Variants in CDH17 observed in about 807,000 individuals in gnomAD.
CDH17 encodes cadherin-17.
CDH17 carries 67 observed loss-of-function variants against 86.3 expected under a neutral mutation model. The ratio of observed to expected loss-of-function variants is 0.78; its 90% CI spans 0.64 to 0.95. The LOEUF (loss-of-function observed/expected upper bound fraction) is 0.95. Among genes scored for constraint, CDH17 ranks in the 40% least tolerant of loss-of-function variants. CDH17 has a pLI of 0.00. For missense variants in CDH17, 993 were observed against 1,017.6 expected, an observed-to-expected ratio of 0.98 and a Z score of 0.33; for synonymous variants, 367 against 366.4, an observed-to-expected ratio of 1.00 and a Z score of -0.02.
intron 15 of CDH17, among the ~76,000 whole-genome samples, chr8:94,145,466 G>A (rs976839876): frequency 2.6e-5 from 4 of 152,278 alleles, no homozygotes; most frequent in African/African-American, 9.6e-5. Flanking sequence ...CTGGGGAGAG[G>A]GGATGGGTGG....
chr8:94,174,783 G>C (rs1205365965), intron 5 of CDH17, among the ~76,000 whole-genome samples: 1 of 152,102 alleles, frequency 6.6e-6, no homozygotes, highest in African/African-American at 2.4e-5. Context: ...TGTAGAAACA[G>C]ACATGAGAAT....
intron 15 of CDH17, among the ~76,000 whole-genome samples, chr8:94,134,174 T>A (rs1163937887): frequency 1.3e-5 from 2 of 152,364 alleles, no homozygotes; most frequent in East Asian, 3.9e-4. Flanking sequence ...CCTCATAAAA[T>A]GAGTTAGGGA....
rs1812747985 is a variant in CDH17 at position 94,146,524 on chromosome 8, GTTTTCTAAGCTTAT to G, written c.1928-371_1928-358del. Among the ~76,000 whole-genome samples, 5 of 152,356 alleles carry G rather than the reference GTTTTCTAAGCTTAT, an allele frequency of 3.3e-5. No individual in the cohort carries two copies. The South Asian group carries it at 1.0e-3, about 32-fold the overall frequency. ...AGCAGGCCTTAGGCATGTTAGTAGA[GTTTTCTAAGCTTAT>G]TTTCTTCAGCTGTGTGGCTTTGCAA... is the stretch of plus-strand genomic sequence containing the variant. On this transcript the variant is annotated intron_variant, in intron 14 of 17. Coordinates refer to ENST00000027335, the MANE Select transcript of CDH17 (RefSeq NM_004063.4).
intron 15 of CDH17, among the ~76,000 whole-genome samples, chr8:94,140,341 G>A (rs1812614201): frequency 6.6e-6 from 1 of 152,028 alleles, no homozygotes; most frequent in South Asian, 2.1e-4. Context: ...GAAGCAGGAG[G>A]ATCGTCTGAG....
At chr8:94,164,254 G>C (rs1260838248) in intron 10 of CDH17, among the ~76,000 whole-genome samples, 1 of 152,240 alleles carries the variant, frequency 6.6e-6, no homozygotes, top group East Asian at 1.9e-4. Flanking sequence ...AGCAGTACCT[G>C]TTCTCTCCCT....
At chr8:94,157,390 T>C (rs1370761166) in intron 12 of CDH17, among the ~76,000 whole-genome samples, 2 of 152,212 alleles carry the variant, frequency 1.3e-5, no homozygotes, top group Non-Finnish European at 2.9e-5. Context: ...TATATTTTTA[T>C]TCTATATCCT....
chr8:94,174,948 C>A lies in CDH17; in HGVS notation c.425-688G>T, dbSNP rs553054544. The stretch of plus-strand genomic sequence containing the variant: ...ATGAATTAATAATTTTTTAAAATTT[C>A]TAATATAGTAAATGTTGATAGATAT... On this transcript the variant is annotated intron_variant, in intron 5 of 17. Transcript: ENST00000027335. 2.0e-5 allele frequency among the ~76,000 whole-genome samples: 3 copies of A among 152,024 alleles called. No homozygotes were observed. In the East Asian group the frequency reaches 5.8e-4, roughly 29 times the overall value.
chr8:94,128,598 G>A (rs1014361589), intron 17 of CDH17, among the ~76,000 whole-genome samples: 3 of 152,106 alleles, frequency 2.0e-5, no homozygotes, highest in South Asian at 2.1e-4. Context: ...ACTGGATCTC[G>A]CTGTAAGAAT....
intron 5 of CDH17, among the ~76,000 whole-genome samples, chr8:94,174,735 T>A (rs1205748988): frequency 1.3e-5 from 2 of 152,184 alleles, no homozygotes; most frequent in Non-Finnish European, 2.9e-5. Context: ...TTTTCCTTCA[T>A]ATATTTCAAC....
At chr8:94,143,225 A>C (rs1812672210) in intron 15 of CDH17, among the ~76,000 whole-genome samples, 1 of 152,148 alleles carries the variant, frequency 6.6e-6, no homozygotes, top group Non-Finnish European at 1.5e-5. Flanking sequence ...GTACATCTCC[A>C]CCAGAGCTCT....
intron 1 of CDH17, among the ~76,000 whole-genome samples, chr8:94,203,546 T>C (rs1398903729): frequency 6.6e-6 from 1 of 152,208 alleles, no homozygotes; most frequent in East Asian, 1.9e-4. Context: ...GCCCAAACCA[T>C]TTTTCATCGA....
At chr8:94,138,689 C>T (rs1027664566) in intron 15 of CDH17, among the ~76,000 whole-genome samples, 1 of 152,112 alleles carries the variant, frequency 6.6e-6, no homozygotes, top group African/African-American at 2.4e-5. Flanking sequence ...GATTAGAGAA[C>T]ACAGCGCTCA....
chr8:94,150,414 A>C (rs1372304515), intron 13 of CDH17, among the ~76,000 whole-genome samples: 1 of 152,226 alleles, frequency 6.6e-6, no homozygotes, highest in African/African-American at 2.4e-5. Flanking sequence ...AGAATCTATA[A>C]TATTTGCTGA....
intron 12 of CDH17, among the ~76,000 whole-genome samples, chr8:94,155,639 G>C (rs1438859457): frequency 1.3e-5 from 2 of 152,178 alleles, no homozygotes; most frequent in Non-Finnish European, 2.9e-5. Context: ...AGAAGAGAAC[G>C]TGCAAGGCTG....
Position 94,130,639 on chromosome 8 carries a change from G to T in CDH17, c.2385C>A (p.Thr795=). The change falls in exon 17 of 18, where the codon ACC becomes ACA. Residue 795 remains threonine, a synonymous_variant. Coordinates refer to ENST00000027335, the MANE Select transcript of CDH17 (RefSeq NM_004063.4). ...VGMAVGILLT[T]LLVIGIILAV... is the part of the protein sequence containing the mutation. ...AATTACACTCACCAATCACCAGAAG[G>T]GTGGTCAGCAGTATACCAACTGCCA... is the stretch of plus-strand genomic sequence containing the variant. 6.8e-6 allele frequency: 11 copies of T among 1,608,890 alleles called. No individual in the cohort carries two copies. The highest frequency in any genetic ancestry group is 1.1e-5 in the South Asian group (1 of 90,816).
At position 94,128,338 on chromosome 8, in the gene CDH17, TA is replaced by T. The variant is rs1458392228; in HGVS notation, c.2400del (p.Ile801Ter). 2 of 1,597,986 alleles carry T rather than the reference TA, an allele frequency of 1.3e-6. No individual in the cohort carries two copies. The highest frequency in any genetic ancestry group is 2.7e-5 in the African/African-American group (2 of 74,602). On this transcript the variant is annotated frameshift_variant and splice_region_variant, in exon 18 of 18. Transcript: ENST00000027335. LOFTEE classifies it high-confidence loss of function. ...CGGATAAACACAACTGCTAAAATTA[TA>T]CCTAAAAGAAAAAACCCAGGGTCAA... ...GILLTTLLVI[G>X]IILAVVFIRI...
Position 94,145,989 on chromosome 8 carries a change from A to T in CDH17, c.2106T>A (p.His702Gln). 2.5e-6 allele frequency: 4 copies of T among 1,613,928 alleles called. No homozygotes were observed. The highest frequency in any genetic ancestry group is 3.4e-6 in the Non-Finnish European group (4 of 1,179,930). The stretch of plus-strand genomic sequence containing the variant: ...TTCCACTGCCGAGGGAAAATGTAAA[A>T]TGGGGACCCCGAAATAAGTGCTGAT... ...DDDQHLFRGP[H>Q]FTFSLGSGSL... The change falls in exon 15 of 18, where the codon CAT (histidine) becomes CAA (glutamine). Residue 702 changes from histidine (H) to glutamine (Q), a missense_variant. Transcript: ENST00000027335.
chr8:94,158,660 G>A (rs745378876), intron 12 of CDH17, among the ~76,000 whole-genome samples: 51 of 152,276 alleles, frequency 3.3e-4, no homozygotes, highest in Middle Eastern at 3.4e-3. Context: ...GTGAGCACAA[G>A]GGGAGGTTGT....
chr8:94,160,556 T>C (rs1178474863), intron 11 of CDH17, among the ~76,000 whole-genome samples: 2 of 152,252 alleles, frequency 1.3e-5, no homozygotes, highest in Non-Finnish European at 2.9e-5. Flanking sequence ...TGAATAGAGG[T>C]TGATTAAAAG....
Sources: allele counts gnomAD v4.1 joint callset (sites outside exome capture counted in the v4.1 genomes callset), GRCh38; gene constraint gnomAD v4.1.1; transcripts MANE v1.5; gene names NCBI Gene and HGNC (gene_info 2026-07-23, HGNC 2026-07-21).